TEAD4: variants seen among roughly 807,000 people sequenced by gnomAD.
TEAD4 encodes TEA domain transcription factor 4.
TEAD4 carries 36 observed loss-of-function variants against 52.4 expected under a neutral mutation model. The observed-to-expected ratio is 0.69, with a 90% CI of 0.53 to 0.91. The LOEUF (loss-of-function observed/expected upper bound fraction) is 0.91. Among genes scored for constraint, TEAD4 ranks in the 40% least tolerant of loss-of-function variants. TEAD4 has a pLI of 0.00. For missense variants in TEAD4, 508 were observed against 583.9 expected (o/e 0.87, Z 1.34); for synonymous variants, 220 against 231.0 (o/e 0.95, Z 0.43).
In TEAD4 at chr12:3,035,280, T is replaced by C. The variant is rs111486137; in HGVS notation, c.898-2688T>C. Among the ~76,000 whole-genome samples, 763 of 152,272 alleles carry C rather than the reference T, an allele frequency of 5.0e-3. 10 individuals carry two copies. Among genetic ancestry groups the C allele is most frequent in the African/African-American group, 0.017 (707 of 41,548 alleles). On this transcript the variant is annotated intron_variant, in intron 10 of 12. Transcript: ENST00000359864. ...AATGTGGCATTGATCAGAGGGACCA[T>C]GCGCGGTTAAAATCTGAGGGTCACC...
intron 2 of TEAD4, among the ~76,000 whole-genome samples, chr12:2,973,777 G>T (rs2098227176): frequency 6.6e-6 from 1 of 152,166 alleles, no homozygotes; most frequent in Non-Finnish European, 1.5e-5. Context: ...AAAAACAAAT[G>T]TTCATGTCCA....
chr12:2,988,957 C>T (rs543685021), intron 2 of TEAD4, among the ~76,000 whole-genome samples: 5 of 152,242 alleles, frequency 3.3e-5, no homozygotes, highest in Non-Finnish European at 7.4e-5. Flanking sequence ...TTTGTGAGAT[C>T]CTTTAGAATA....
intron 10 of TEAD4, among the ~76,000 whole-genome samples, chr12:3,036,951 T>C (rs577586881): frequency 1.3e-5 from 2 of 152,206 alleles, no homozygotes; most frequent in Admixed American, 6.5e-5. Flanking sequence ...TTGGATGGTG[T>C]TGGGCAAGGC....
chr12:2,983,418 G>C (rs890653980), intron 2 of TEAD4, among the ~76,000 whole-genome samples: 1 of 152,268 alleles, frequency 6.6e-6, no homozygotes, highest in Middle Eastern at 3.4e-3. Context: ...GGCCACTGGA[G>C]ACTTCTGGGA....
At chr12:3,031,023 C>A (rs904088352) in intron 10 of TEAD4, among the ~76,000 whole-genome samples, 1 of 152,194 alleles carries the variant, frequency 6.6e-6, no homozygotes, top group Non-Finnish European at 1.5e-5. Flanking sequence ...TCCTGAGGAC[C>A]TCGGCCGAGA....
At chr12:3,017,759 G>A (rs2098265663) in intron 6 of TEAD4, among the ~76,000 whole-genome samples, 1 of 152,202 alleles carries the variant, frequency 6.6e-6, no homozygotes, top group African/African-American at 2.4e-5. Context: ...ACTTCACAAG[G>A]GGGAAGGGGG....
chr12:3,031,379 A>G (rs1178002365), intron 10 of TEAD4, among the ~76,000 whole-genome samples: 1 of 152,216 alleles, frequency 6.6e-6, no homozygotes, highest in Non-Finnish European at 1.5e-5. Context: ...AGTGGCAGGA[A>G]GCACTCATGG....
intron 2 of TEAD4, among the ~76,000 whole-genome samples, chr12:2,961,122 C>T (rs1052431259): frequency 3.3e-5 from 5 of 152,030 alleles, no homozygotes; most frequent in Non-Finnish European, 7.4e-5. Context: ...GGTGGATCCC[C>T]GGGAAAAGGA....
At chr12:3,018,669 G>A in intron 7 of TEAD4, 81 bp downstream of exon 7, 8 of 1,587,176 alleles carry the variant, frequency 5.0e-6, no homozygotes, top group Non-Finnish European at 6.9e-6. Context: ...TTAAGCCTGG[G>A]CCCCAGGGTG....
intron 3 of TEAD4, among the ~76,000 whole-genome samples, chr12:3,006,561 G>A (rs567753799): frequency 4.6e-5 from 7 of 152,262 alleles, no homozygotes; most frequent in Admixed American, 4.6e-4. Context: ...GGCGTTGCCT[G>A]TAATCCCAAC....
intron 2 of TEAD4, among the ~76,000 whole-genome samples, chr12:2,960,732 G>T (rs1046873467): frequency 4.6e-5 from 7 of 152,214 alleles, no homozygotes; most frequent in Non-Finnish European, 1.5e-5. Context: ...CTGTCTGAAA[G>T]TGAGTATCTC....
chr12:2,987,787 C>T (rs998324567), intron 2 of TEAD4, among the ~76,000 whole-genome samples: 13 of 151,278 alleles, frequency 8.6e-5, no homozygotes, highest in South Asian at 2.1e-4. Context: ...ATTTCAGGGC[C>T]GGGCACGGTG....
chr12:2,996,165 G>A (rs1158167159), intron 3 of TEAD4, among the ~76,000 whole-genome samples: 1 of 152,160 alleles, frequency 6.6e-6, no homozygotes, highest in African/African-American at 2.4e-5. Context: ...CTAAATGGCT[G>A]AAGTCAGTGA....
rs192913135 is a variant in TEAD4, at chr12:3,037,372, C to T, written c.898-596C>T. On this transcript the variant is annotated intron_variant, in intron 10 of 12. Coordinates refer to ENST00000359864, the MANE Select transcript of TEAD4 (RefSeq NM_003213.4). ...AGAGATGTCAAAAGATCCAAGGTGA[C>T]GGGACCCAGCAGTGCCTAGAGGGGG... is the stretch of plus-strand genomic sequence containing the variant. Among the ~76,000 whole-genome samples, 239 of 152,192 alleles carry T rather than the reference C, an allele frequency of 1.6e-3. 2 individuals are homozygous for T. Among genetic ancestry groups the T allele is most frequent in the African/African-American group, 5.0e-3 (208 of 41,524 alleles).
chr12:2,982,423 G>A (rs1489311309), intron 2 of TEAD4, among the ~76,000 whole-genome samples: 1 of 152,166 alleles, frequency 6.6e-6, no homozygotes, highest in Non-Finnish European at 1.5e-5. Context: ...TTACTCTTCT[G>A]TTCACAGCGC....
intron 3 of TEAD4, among the ~76,000 whole-genome samples, chr12:3,006,420 G>A (rs1022280777): frequency 7.2e-5 from 11 of 152,184 alleles, no homozygotes; most frequent in East Asian, 1.9e-4. Flanking sequence ...AAAGCCAGGC[G>A]TGGTGGTTCA....
chr12:2,959,476 C>T lies in TEAD4; in HGVS notation c.-128C>T, dbSNP rs1027430610. ...CCGCAGCTCCGGCGCCGCCGCGTCC[C>T]GCCAGGTGAGAGGCGCCCGCGCCCG... On this transcript the variant is annotated 5_prime_UTR_variant, in exon 1 of 13. Coordinates refer to ENST00000359864, the MANE Select transcript of TEAD4 (RefSeq NM_003213.4). This position sits in a 1 kb window ranked among gnomAD's most constrained non-coding sequence, Gnocchi z 5.1. 6.8e-6 allele frequency: 1 copy of T among 147,188 alleles called. No individual in the cohort carries two copies. The highest frequency in any genetic ancestry group is 2.4e-5 in the African/African-American group (1 of 40,874). 9.1% of individuals were successfully genotyped at this position (147,188 alleles called of 1,614,324 possible).
chr12:3,025,036 C>T (rs954391308), intron 10 of TEAD4, among the ~76,000 whole-genome samples: 3 of 151,926 alleles, frequency 2.0e-5, no homozygotes, highest in African/African-American at 7.3e-5. Context: ...CCTGTACCTC[C>T]CTGGTTCAAG....
At chr12:2,972,926 C>T (rs950469715) in intron 2 of TEAD4, among the ~76,000 whole-genome samples, 5 of 152,120 alleles carry the variant, frequency 3.3e-5, no homozygotes, top group African/African-American at 9.7e-5. Context: ...GTGTTTTCAC[C>T]GCCACCATCA....
Sources: allele counts gnomAD v4.1 joint callset (sites outside exome capture counted in the v4.1 genomes callset), GRCh38; gene constraint gnomAD v4.1.1; non-coding constraint Gnocchi (gnomAD v3.1); transcripts MANE v1.5; gene names NCBI Gene and HGNC (gene_info 2026-07-23, HGNC 2026-07-21).